TMPRSS11F: variants seen among roughly 807,000 people sequenced by gnomAD.
TMPRSS11F encodes the protein transmembrane protease serine 11F.
In TMPRSS11F, 47 loss-of-function variants were observed where a neutral mutation model predicts 60.2. The observed-to-expected ratio is 0.78, with a 90% CI of 0.62 to 1.00. The LOEUF (loss-of-function observed/expected upper bound fraction) is 1.00, where lower values mean the gene tolerates loss of function less well. TMPRSS11F is among the 50% of genes least tolerant of loss of function. The pLI, the probability that TMPRSS11F is intolerant of heterozygous loss-of-function variation, is 0.00. For synonymous variants in TMPRSS11F, 166 were observed against 167.3 expected, an observed-to-expected ratio of 0.99 and a Z score of 0.06; for missense variants, 519 against 522.9, an observed-to-expected ratio of 0.99 and a Z score of 0.07.
intron 1 of TMPRSS11F, among the ~76,000 whole-genome samples, chr4:68,109,564 T>C (rs891365393): frequency 6.6e-6 from 1 of 152,194 alleles, no homozygotes; most frequent in African/African-American, 2.4e-5. Context: ...ACCTAAATAA[T>C]GTGTCTCAAA....
intron 1 of TMPRSS11F, among the ~76,000 whole-genome samples, chr4:68,129,458 C>T (rs1173295780): frequency 6.6e-6 from 1 of 151,932 alleles, no homozygotes; most frequent in Non-Finnish European, 1.5e-5. Context: ...AAAATGTATA[C>T]CATGCTATGG....
intron 3 of TMPRSS11F, among the ~76,000 whole-genome samples, chr4:68,088,065 C>A (rs979162055): frequency 1.5e-4 from 23 of 152,072 alleles, no homozygotes; most frequent in African/African-American, 5.5e-4. Context: ...TTTCTTATGG[C>A]TGCTTAGTAT....
intron 3 of TMPRSS11F, among the ~76,000 whole-genome samples, chr4:68,084,856 G>A (rs1723780558): frequency 1.4e-5 from 2 of 139,344 alleles, no homozygotes; most frequent in African/African-American, 2.7e-5. Flanking sequence ...CTAGCATTAG[G>A]TATATCTCCC....
chr4:68,054,682 T>A (rs918141486), intron 9 of TMPRSS11F, among the ~76,000 whole-genome samples: 5 of 152,096 alleles, frequency 3.3e-5, no homozygotes, highest in Non-Finnish European at 7.4e-5. Context: ...TGACCCTAGG[T>A]GAGATACTTA....
At chr4:68,057,787 T>G (rs145977680) in intron 9 of TMPRSS11F, among the ~76,000 whole-genome samples, 19 of 152,224 alleles carry the variant, frequency 1.2e-4, no homozygotes, top group East Asian at 9.6e-4. Flanking sequence ...ATTAGGGAAA[T>G]GAATTTAAAC....
At chr4:68,105,933 T>C (rs1297434026) in intron 1 of TMPRSS11F, among the ~76,000 whole-genome samples, 1 of 151,368 alleles carries the variant, frequency 6.6e-6, no homozygotes, top group African/African-American at 2.5e-5. Flanking sequence ...TGATCTATAG[T>C]CTGAAGGTAA....
chr4:68,124,699 G>C (rs934467366), intron 1 of TMPRSS11F, among the ~76,000 whole-genome samples: 2 of 152,196 alleles, frequency 1.3e-5, no homozygotes, highest in Non-Finnish European at 2.9e-5. Flanking sequence ...GTGGGCATAA[G>C]AGTAGTAGAT....
intron 2 of TMPRSS11F, among the ~76,000 whole-genome samples, chr4:68,097,609 T>C (rs951657617): frequency 6.6e-6 from 1 of 152,128 alleles, no homozygotes; most frequent in African/African-American, 2.4e-5. Flanking sequence ...GACATGGACA[T>C]CTTGGCATGG....
In TMPRSS11F at chr4:68,053,879, G is replaced by A. The variant is rs1448150294; in HGVS notation, c.*30C>T. ...ATACGCAGGAGTATCAGCTCTGTGT[G>A]CCATGTGTATAACTCATGGGCAATC... On this transcript the variant is annotated 3_prime_UTR_variant, in exon 10 of 10. Transcript: ENST00000356291. The A allele has an allele frequency of 6.3e-7, 1 of 1,587,112 alleles. No homozygotes were observed. The highest frequency in any genetic ancestry group is 1.7e-5 in the Admixed American group (1 of 58,556).
chr4:68,122,969 C>T (rs1280470196), intron 1 of TMPRSS11F, among the ~76,000 whole-genome samples: 1 of 152,166 alleles, frequency 6.6e-6, no homozygotes, highest in East Asian at 1.9e-4. Context: ...GTTGCCTTTA[C>T]TATGTTCCTT....
intron 9 of TMPRSS11F, among the ~76,000 whole-genome samples, chr4:68,058,374 C>T (rs1165299861): frequency 6.6e-6 from 1 of 151,856 alleles, no homozygotes; most frequent in African/African-American, 2.4e-5. Flanking sequence ...AAATAATGGA[C>T]AGTGAAATCT....
Position 68,053,903 on chromosome 4 carries a change from T to A in TMPRSS11F, c.*6A>T, listed in dbSNP as rs987068613. On this transcript the variant is annotated 3_prime_UTR_variant, in exon 10 of 10. Coordinates refer to ENST00000356291, the MANE Select transcript of TMPRSS11F (RefSeq NM_207407.2). ...TGCCATGTGTATAACTCATGGGCAA[T>A]CCACACTACATACCAGTCTTTGAGG... The A allele has an allele frequency of 6.2e-7, 1 of 1,612,384 alleles. No individual in the cohort carries two copies. The highest frequency in any genetic ancestry group is 1.7e-4 in the Middle Eastern group (1 of 6,052).
At chr4:68,105,489 C>T (rs977703704) in intron 1 of TMPRSS11F, among the ~76,000 whole-genome samples, 1 of 152,074 alleles carries the variant, frequency 6.6e-6, no homozygotes, top group African/African-American at 2.4e-5. Flanking sequence ...TTCTGTACTT[C>T]GATCTCCTCA....
At chr4:68,063,199 C>T (rs1458002777) in intron 8 of TMPRSS11F, 1 of 594,808 alleles carries the variant, frequency 1.7e-6, no homozygotes, top group African/African-American at 1.9e-5. Context: ...CCAACTGCCT[C>T]TGGAGATACT....
At chr4:68,095,166 T>G (rs1447573119) in intron 2 of TMPRSS11F, among the ~76,000 whole-genome samples, 1 of 151,178 alleles carries the variant, frequency 6.6e-6, no homozygotes, top group Non-Finnish European at 1.5e-5. Flanking sequence ...TACATAAAAA[T>G]ATATGTATAT....
chr4:68,106,304 C>T (rs1222162523), intron 1 of TMPRSS11F, among the ~76,000 whole-genome samples: 4 of 152,120 alleles, frequency 2.6e-5, no homozygotes, highest in Non-Finnish European at 5.9e-5. Context: ...TATTGGAAAG[C>T]ATGAGTCAGA....
At chr4:68,059,579 A>G in intron 8 of TMPRSS11F, 111 bp from the exon 9 acceptor site, 1 of 1,052,998 alleles carries the variant, frequency 9.5e-7, no homozygotes, top group East Asian at 2.6e-5. Context: ...TATTTTATTA[A>G]CATTAGCTAT....
intron 3 of TMPRSS11F, among the ~76,000 whole-genome samples, chr4:68,079,369 A>G (rs1023020376): frequency 2.6e-5 from 4 of 152,176 alleles, no homozygotes; most frequent in Non-Finnish European, 5.9e-5. Flanking sequence ...TATTTGAAGC[A>G]GATGTTAAAG....
intron 1 of TMPRSS11F, among the ~76,000 whole-genome samples, chr4:68,119,211 G>A (rs559841447): frequency 1.6e-3 from 242 of 152,060 alleles, no homozygotes; most frequent in Non-Finnish European, 2.6e-3. Flanking sequence ...TTCTATAAAA[G>A]CTGAGAGAGG....
Sources: allele counts gnomAD v4.1 joint callset (sites outside exome capture counted in the v4.1 genomes callset), GRCh38; gene constraint gnomAD v4.1.1; transcripts MANE v1.5; gene names NCBI Gene and HGNC (gene_info 2026-07-23, HGNC 2026-07-21).